KDM5B: variants seen among roughly 807,000 people sequenced by gnomAD.
The protein encoded by KDM5B is lysine-specific demethylase 5B.
A neutral mutation model predicts 193.4 loss-of-function variants in KDM5B; 144 were observed. That is an observed-to-expected ratio of 0.74 (90% CI 0.65 to 0.86). KDM5B has a LOEUF of 0.86. Among genes scored for constraint, KDM5B ranks in the 40% least tolerant of loss-of-function variants. KDM5B has a pLI of 0.00. For synonymous variants in KDM5B, 668 were observed against 682.6 expected (o/e 0.98, Z 0.33); for missense variants, 1,833 against 1,886.9 (o/e 0.97, Z 0.53).
chr1:202,736,643 GTT>G (rs930869614), intron 20 of KDM5B, among the ~76,000 whole-genome samples: 41 of 147,920 alleles, frequency 2.8e-4, no homozygotes, highest in Admixed American at 4.7e-4. Context: ...TGGTAGTGTT[GTT>G]TTTTTTTTCT....
intron 2 of KDM5B, among the ~76,000 whole-genome samples, chr1:202,774,995 A>C (rs1241097951): frequency 1.3e-5 from 2 of 152,108 alleles, no homozygotes; most frequent in Non-Finnish European, 2.9e-5. Context: ...TAATCCCAGC[A>C]CTTTGGGAGG....
intron 13 of KDM5B, 32 bp from the exon 14 acceptor site, chr1:202,749,171 A>G: frequency 6.4e-7 from 1 of 1,572,602 alleles, no homozygotes; most frequent in Non-Finnish European, 8.7e-7. Context: ...AAAAAATAAC[A>G]TTCATCTTTC....
chr1:202,797,379 G>C (rs1024882696), intron 1 of KDM5B, among the ~76,000 whole-genome samples: 3 of 152,086 alleles, frequency 2.0e-5, no homozygotes, highest in African/African-American at 7.2e-5. Flanking sequence ...CTCTGTGCTT[G>C]CTGTAGCTGG....
Position 202,803,036 on chromosome 1 carries a change from C to T in KDM5B, c.204+5066G>A, listed in dbSNP as rs114534759. Among the ~76,000 whole-genome samples the T allele has an allele frequency of 7.2e-3, 1,100 of 152,028 alleles. 15 individuals are homozygous for T. The highest frequency in any genetic ancestry group is 0.025 in the African/African-American group (1,042 of 41,482). ...CAGCCTGGGCAACATACTGAGAAAC[C>T]GCATCCCTACAATTTATTAGAGGCT... On this transcript the variant is annotated intron_variant, in intron 1 of 26. Transcript: ENST00000367265.
At position 202,773,303 on chromosome 1, in the gene KDM5B, A is replaced by G. The variant is rs745824448; in HGVS notation, c.406-15T>C. On this transcript the variant is annotated splice_polypyrimidine_tract_variant and intron_variant, in intron 3 of 26. Transcript: ENST00000367265. ...TCTGCAACTAACTGTTAAAATAGCA[A>G]AATTAGAAACAACTATATGGAAGTC... 3 of 1,612,168 alleles carry G rather than the reference A, an allele frequency of 1.9e-6. No homozygotes were observed. The highest frequency in any genetic ancestry group is 2.5e-6 in the Non-Finnish European group (3 of 1,179,018).
chr1:202,753,192 A>C (rs904883196), intron 11 of KDM5B, 125 bp from the exon 12 acceptor site: 1 of 786,174 alleles, frequency 1.3e-6, no homozygotes, highest in Non-Finnish European at 2.0e-6. Context: ...AAACTGACGA[A>C]ATATCATTAG....
intron 14 of KDM5B, among the ~76,000 whole-genome samples, chr1:202,747,476 A>G (rs986564926): frequency 6.6e-6 from 1 of 151,984 alleles, no homozygotes; most frequent in African/African-American, 2.4e-5. Context: ...ACTGTAAAAT[A>G]TAAGAGGGTA....
chr1:202,805,635 G>A (rs901753305), intron 1 of KDM5B, among the ~76,000 whole-genome samples: 6 of 152,086 alleles, frequency 3.9e-5, no homozygotes, highest in African/African-American at 1.4e-4. Context: ...TATCACCATG[G>A]AAAATATTTC....
intron 8 of KDM5B, among the ~76,000 whole-genome samples, chr1:202,760,004 G>A (rs1195431736): frequency 1.3e-5 from 2 of 151,954 alleles, no homozygotes; most frequent in East Asian, 1.9e-4. Flanking sequence ...CATTACTGTC[G>A]ACTGCCAAAT....
At chr1:202,750,917 T>C (rs1655765592) in intron 12 of KDM5B, 139 bp from the exon 13 acceptor site, 1 of 742,726 alleles carries the variant, frequency 1.3e-6, no homozygotes, top group Non-Finnish European at 2.2e-6. Context: ...CAAATTATTA[T>C]AGTAGAATAT....
chr1:202,734,921 CTTT>C (rs1332515195), intron 22 of KDM5B, among the ~76,000 whole-genome samples: 1 of 152,166 alleles, frequency 6.6e-6, no homozygotes, highest in African/African-American at 2.4e-5. Flanking sequence ...ATAGCTATCC[CTTT>C]TTTATCCCGA....
intron 1 of KDM5B, among the ~76,000 whole-genome samples, chr1:202,792,175 A>G (rs1182498620): frequency 6.6e-6 from 1 of 151,814 alleles, no homozygotes; most frequent in East Asian, 1.9e-4. Context: ...AGGTAAGATA[A>G]TTCCTTATTT....
intron 1 of KDM5B, among the ~76,000 whole-genome samples, chr1:202,799,281 G>A (rs1657977783): frequency 6.6e-6 from 1 of 152,092 alleles, no homozygotes; most frequent in Non-Finnish European, 1.5e-5. Flanking sequence ...CTAGATTGAA[G>A]ACTCTACCCA....
chr1:202,749,876 T>C (rs1248494015), intron 13 of KDM5B, among the ~76,000 whole-genome samples: 3 of 152,234 alleles, frequency 2.0e-5, no homozygotes, highest in African/African-American at 7.2e-5. Flanking sequence ...AAAGTTATAA[T>C]TCATTAGCTT....
chr1:202,777,163 A>T, intron 1 of KDM5B, 69 bp from the exon 2 acceptor site: 2 of 1,212,584 alleles, frequency 1.6e-6, no homozygotes, highest in Non-Finnish European at 2.4e-6. Flanking sequence ...TTGTTTTAAA[A>T]TTAAAACCCA....
chr1:202,770,209 C>T (rs553695051), intron 4 of KDM5B, among the ~76,000 whole-genome samples: 2 of 152,240 alleles, frequency 1.3e-5, no homozygotes, highest in South Asian at 4.1e-4. Flanking sequence ...TAATTTTAAC[C>T]TTTACTTGAG....
intron 14 of KDM5B, among the ~76,000 whole-genome samples, chr1:202,746,886 A>T (rs983456768): frequency 2.0e-5 from 3 of 152,248 alleles, no homozygotes; most frequent in African/African-American, 7.2e-5. Context: ...AATAGCAAAG[A>T]CTAAAGTCAT....
Position 202,746,134 on chromosome 1 carries a change from C to T in KDM5B, c.2198+8G>A. 3 of 1,602,248 alleles carry T rather than the reference C, an allele frequency of 1.9e-6. No individual in the cohort carries two copies. Among genetic ancestry groups the T allele is most frequent in the Non-Finnish European group, 2.6e-6 (3 of 1,174,374 alleles). ...TCCATAGGAAAAAAAATCGTTCTTCCTACTTACCGCAATTTATATTTGTAA... is the reference window on the plus strand; with the variant it reads ...TCCATAGGAAAAAAAATCGTTCTTCTTACTTACCGCAATTTATATTTGTAA... On this transcript the variant is annotated splice_region_variant and intron_variant, in intron 15 of 26. Transcript: ENST00000367265.
intron 1 of KDM5B, among the ~76,000 whole-genome samples, chr1:202,793,363 C>A (rs78376604): frequency 0.045 from 6,792 of 152,256 alleles, 254 homozygotes; most frequent in Non-Finnish European, 0.075. Flanking sequence ...TGTATCATTA[C>A]TATGGTTATA....
Sources: allele counts gnomAD v4.1 joint callset (sites outside exome capture counted in the v4.1 genomes callset), GRCh38; gene constraint gnomAD v4.1.1; transcripts MANE v1.5; gene names NCBI Gene and HGNC (gene_info 2026-07-23, HGNC 2026-07-21).